SV2C: variants seen among roughly 807,000 people sequenced by gnomAD.
SV2C encodes solute carrier family 22 member B3.
Under a neutral mutation model 79.7 loss-of-function variants are expected in SV2C, and 49 were observed. That is an observed-to-expected ratio of 0.61 (90% CI 0.49 to 0.78). The LOEUF (loss-of-function observed/expected upper bound fraction) is 0.78. Ranked by LOEUF, SV2C falls within the 30% of genes least tolerant of loss-of-function variation. The pLI is 0.00. For missense variants in SV2C, 833 were observed against 912.9 expected (o/e 0.91, Z 1.13); for synonymous variants, 334 against 333.2 (o/e 1.00, Z -0.03).
At chr5:75,854,054 G>C in the SV2C span, among the ~76,000 whole-genome samples, 1,066 of 147,882 alleles carry the variant, frequency 7.2e-3, 11 homozygotes, top group African/African-American at 0.024. Context: ...CCAACCTTAC[G>C]ACTGTAGATC....
In SV2C at chr5:76,343,366, A is replaced by G. The variant is rs115162282; in HGVS notation, c.2001-9764A>G. Reference sequence around the variant, plus strand: ...TGAAGAATTCCTACAAATCAATACAAAAAAGACATGCAACCAAATAGAAAA... The same window carrying G: ...TGAAGAATTCCTACAAATCAATACAGAAAAGACATGCAACCAAATAGAAAA... On this transcript the variant is annotated intron_variant, in intron 12 of 12. Transcript: ENST00000322285. Among the ~76,000 whole-genome samples, 675 of 152,380 alleles carry G rather than the reference A, an allele frequency of 4.4e-3. 7 individuals carry two copies. The highest frequency in any genetic ancestry group is 0.015 in the African/African-American group (635 of 41,582).
chr5:76,087,569 T>A (rs1179907045), intron 1 of SV2C, among the ~76,000 whole-genome samples: 1 of 152,174 alleles, frequency 6.6e-6, no homozygotes, highest in Non-Finnish European at 1.5e-5. Flanking sequence ...CTTGTTTAAG[T>A]GGGAATTTCT....
the SV2C span, among the ~76,000 whole-genome samples, chr5:76,029,166 A>AC: frequency 6.6e-6 from 1 of 152,240 alleles, no homozygotes; most frequent in East Asian, 1.9e-4. Context: ...GTATGTATAC[A>AC]TTGTAGATTG....
chr5:76,258,611 G>GGCA (rs901762915), intron 4 of SV2C, among the ~76,000 whole-genome samples: 1 of 152,176 alleles, frequency 6.6e-6, no homozygotes, highest in African/African-American at 2.4e-5. Context: ...GTCTATGCCT[G>GGCA]GAGCTTTGGT....
intron 1 of SV2C, among the ~76,000 whole-genome samples, chr5:76,126,657 T>C (rs990339567): frequency 1.3e-5 from 2 of 152,122 alleles, no homozygotes; most frequent in African/African-American, 4.8e-5. Context: ...GGAAGAGGGA[T>C]GTTATGAGCC....
At chr5:76,085,608 T>C (rs1747163470) in intron 1 of SV2C, among the ~76,000 whole-genome samples, 1 of 152,152 alleles carries the variant, frequency 6.6e-6, no homozygotes, top group South Asian at 2.1e-4. Context: ...ACACAGATGC[T>C]AGTCACCATT....
chr5:76,171,691 T>G (rs1327293523), intron 2 of SV2C, among the ~76,000 whole-genome samples: 1 of 104,738 alleles, frequency 9.5e-6, no homozygotes, highest in African/African-American at 3.5e-5. Context: ...CGGCCAGCCG[T>G]GCCGTCCGGG....
At chr5:76,084,888 G>T (rs924477429) in intron 1 of SV2C, among the ~76,000 whole-genome samples, 26 of 151,944 alleles carry the variant, frequency 1.7e-4, no homozygotes, top group Non-Finnish European at 3.5e-4. Context: ...TGGGCTGGCG[G>T]GCAGGCGGCT....
chr5:76,284,007 A>G (rs1489793693), intron 4 of SV2C, among the ~76,000 whole-genome samples: 2 of 152,350 alleles, frequency 1.3e-5, no homozygotes, highest in East Asian at 3.9e-4. Context: ...ACAAAAAGGC[A>G]TATAAATACC....
the SV2C span, among the ~76,000 whole-genome samples, chr5:75,992,603 A>G: frequency 5.7e-4 from 86 of 152,116 alleles, no homozygotes; most frequent in Middle Eastern, 3.4e-3. Context: ...ATGATTGGTC[A>G]TTGCACATCT....
intron 4 of SV2C, among the ~76,000 whole-genome samples, chr5:76,237,978 A>G (rs35492009): frequency 4.0e-5 from 6 of 150,248 alleles, no homozygotes; most frequent in Non-Finnish European, 8.9e-5. Context: ...TAACACACAC[A>G]CACACACACA....
chr5:76,250,949 G>C (rs11955259), intron 4 of SV2C, among the ~76,000 whole-genome samples: 13 of 151,900 alleles, frequency 8.6e-5, no homozygotes, highest in East Asian at 1.9e-4. Flanking sequence ...AGTTACTTAC[G>C]ATCTGAAAAC....
chr5:76,017,493 G>T, the SV2C span, among the ~76,000 whole-genome samples: 1 of 152,070 alleles, frequency 6.6e-6, no homozygotes, highest in Non-Finnish European at 1.5e-5. Context: ...TCACCAGGCT[G>T]GTCTCAAACT....
rs546757796 is a variant in SV2C at position 76,235,515 on chromosome 5, A to G, written c.913+25628A>G. Among the ~76,000 whole-genome samples, 7 of 152,378 alleles carry G rather than the reference A, an allele frequency of 4.6e-5. No individual in the cohort carries two copies. In the East Asian group the frequency reaches 1.4e-3, roughly 29 times the overall value. On this transcript the variant is annotated intron_variant, in intron 4 of 12. Coordinates refer to ENST00000502798, the MANE Select transcript of SV2C (RefSeq NM_014979.4). ...ATTACAAATAAAAATAATAAAAATC[A>G]TATCAATGTAAACATTTACATAGGA...
chr5:76,030,286 T>A, the SV2C span, among the ~76,000 whole-genome samples: 13 of 119,142 alleles, frequency 1.1e-4, no homozygotes, highest in African/African-American at 4.9e-4. Context: ...TTTTTTTTTT[T>A]TTTTTTATTT....
intron 2 of SV2C, among the ~76,000 whole-genome samples, chr5:76,145,160 G>A (rs1326786194): frequency 6.6e-6 from 1 of 152,222 alleles, no homozygotes; most frequent in East Asian, 1.9e-4. Context: ...TAGCAGAAGA[G>A]CAAGCTCCTA....
At chr5:76,288,933 G>A (rs1333949067) in intron 6 of SV2C, among the ~76,000 whole-genome samples, 1 of 151,340 alleles carries the variant, frequency 6.6e-6, no homozygotes, top group African/African-American at 2.4e-5. Context: ...AGGCTGGAGT[G>A]CAGTGGTGTG....
intron 4 of SV2C, among the ~76,000 whole-genome samples, chr5:76,271,616 C>CTTTTTTTTTTTTTTTTTTTTTTTTTT (rs34458409): frequency 4.2e-5 from 4 of 96,062 alleles, no homozygotes; most frequent in Non-Finnish European, 5.9e-5. Context: ...AGCATGTGTT[C>CTTTTTTTTTTTTTTTTTTTTTTTTTT]TTTTTTTTTT....
At chr5:76,175,944 G>A (rs541245752) in intron 2 of SV2C, among the ~76,000 whole-genome samples, 2 of 152,128 alleles carry the variant, frequency 1.3e-5, no homozygotes, top group Non-Finnish European at 2.9e-5. Context: ...TGCAGATGGT[G>A]ACAGCATCAT....
Sources: gnomAD v4.1 joint callset for allele counts (sites outside exome capture counted in the v4.1 genomes callset) on GRCh38, gnomAD v4.1.1 for gene constraint, MANE v1.5 for transcripts, NCBI Gene and HGNC (gene_info 2026-07-23, HGNC 2026-07-21) for gene names.